Variants in CXCL10 observed in about 807,000 individuals in gnomAD.
CXCL10 encodes the protein C-X-C motif chemokine ligand 10, also known as C-X-C motif chemokine 10.
A neutral mutation model predicts 10.8 loss-of-function variants in CXCL10; 6 were observed. The ratio of observed to expected loss-of-function variants is 0.55; its 90% confidence interval spans 0.30 to 1.09. The LOEUF (loss-of-function observed/expected upper bound fraction) is 1.09, where lower values mean the gene tolerates loss of function less well. Among genes scored for constraint, CXCL10 ranks in the 50% least tolerant of loss-of-function variants. The pLI, the probability that CXCL10 is intolerant of heterozygous loss-of-function variation, is 0.06. For synonymous variants in CXCL10, 35 were observed against 35.8 expected, an observed-to-expected ratio of 0.98 and a Z score of 0.08; for missense variants, 114 against 114.3, an observed-to-expected ratio of 1.00 and a Z score of 0.01.
chr4:76,022,430 T>A lies in CXCL10; in HGVS notation c.214A>T (p.Lys72Ter). The A allele has an allele frequency of 6.2e-7, 1 of 1,613,432 alleles. No homozygotes were observed. The highest frequency in any genetic ancestry group is 8.5e-7 in the Non-Finnish European group (1 of 1,179,916). The change falls in exon 3 of 4, where the codon AAG (lysine) becomes TAG (stop). Residue 72 changes from lysine (K) to a stop codon, truncating the protein, a stop_gained. Coordinates refer to ENST00000306602, the MANE Select transcript of CXCL10 (RefSeq NM_001565.4). LOFTEE classifies it high-confidence loss of function. ...TTCGATTCTGGATTCAGACATCTCT[T>A]CTCACCCTTCTTTTTCATTGTAGCA... is the stretch of plus-strand genomic sequence containing the variant. The part of the protein sequence containing the change: ...IIATMKKKGE[K>*]RCLNPESKAI...
At position 76,022,101 on chromosome 4, in the gene CXCL10, C is replaced by T. The variant is rs184315160; in HGVS notation, c.279-153G>A. The stretch of plus-strand genomic sequence containing the variant: ...GGATTATAGGGGTTGCTTTTTTCAA[C>T]CATGAAAGACTTGGGGAAAATGTTG... On this transcript the variant is annotated intron_variant, in intron 3 of 3. Transcript: ENST00000306602. Among the ~76,000 whole-genome samples the T allele has an allele frequency of 2.2e-4, 33 of 152,208 alleles. No individual in the cohort carries two copies. In the East Asian group the frequency reaches 6.2e-3, roughly 28 times the overall value.
rs1733066706 is a variant in CXCL10 at position 76,023,381 on chromosome 4, A to C, written c.51T>G (p.Ser17Arg). 1 of 1,613,130 alleles carries C rather than the reference A, an allele frequency of 6.2e-7. No homozygotes were observed. The highest frequency in any genetic ancestry group is 8.5e-7 in the Non-Finnish European group (1 of 1,179,214). Residue 17 changes from serine to arginine, a missense_variant, in exon 1 of 4, where the codon AGT (serine) becomes AGG (arginine). Physicochemically the swap from Ser to Arg is moderately radical, Grantham distance 110 (BLOSUM62 -1). Coordinates refer to ENST00000306602, the MANE Select transcript of CXCL10 (RefSeq NM_001565.4). ...LICCLIFLTLSGIQGVPLSRT... is the reference protein window; with the variant it reads ...LICCLIFLTLRGIQGVPLSRT... ...TTTGATGTTCCTTACCTTGAATGCC[A>C]CTTAGAGTCAGAAAGATAAGGCAGC...
At position 76,021,807 on chromosome 4, in the gene CXCL10, T is replaced by A; in HGVS notation, c.*123A>T. The A allele has an allele frequency of 1.1e-6, 1 of 952,318 alleles. No homozygotes were observed. The allele number at this position is 952,318 out of a possible 1,614,324, so 59.0% of individuals were successfully genotyped here. ...GTGACCATCATTGGTCACCTTTTAG[T>A]GTAACTGCAAACTAAGAACAATTAT... On this transcript the variant is annotated 3_prime_UTR_variant, in exon 4 of 4. Coordinates refer to ENST00000306602, the MANE Select transcript of CXCL10 (RefSeq NM_001565.4).
chr4:76,022,322 C>G (rs771270907), intron 3 of CXCL10, 44 bp downstream of exon 3: 2 of 1,494,372 alleles, frequency 1.3e-6, no homozygotes, highest in Non-Finnish European at 9.3e-7. Context: ...CCAAGATTGC[C>G]GTTTCCTAAA....
chr4:76,023,154 GTCC>G (rs1733034805), intron 1 of CXCL10, among the ~76,000 whole-genome samples: 2 of 151,852 alleles, frequency 1.3e-5, no homozygotes, highest in African/African-American at 4.8e-5. Flanking sequence ...CATCTCTTCT[GTCC>G]TCCTTCCCTT....
In CXCL10 at chr4:76,022,744, T is replaced by C; in HGVS notation, c.135A>G (p.Leu45=). 6.2e-7 allele frequency: 1 copy of C among 1,613,796 alleles called. No homozygotes were observed. Residue 45 remains leucine, a synonymous_variant, in exon 2 of 4, where the codon TTA becomes TTG. Transcript: ENST00000306602. The part of the protein sequence containing the change: ...ISNQPVNPRS[L]EKLEIIPASQ... ...TTGCAGGAATAATTTCAAGTTTTTC[T>C]AAAGACCTTGGATTAACAGGTTGAT... is the stretch of plus-strand genomic sequence containing the variant.
At chr4:76,022,551 C>T in intron 2 of CXCL10, 96 bp from the exon 3 acceptor site, 2 of 1,484,424 alleles carry the variant, frequency 1.3e-6, no homozygotes, top group East Asian at 2.3e-5. Context: ...TTAAGTTTCA[C>T]TCTGCATGTT....
chr4:76,021,138 A>G lies in CXCL10; in HGVS notation c.*792T>C, dbSNP rs1465410309. On this transcript the variant is annotated 3_prime_UTR_variant, in exon 4 of 4. Coordinates refer to ENST00000306602, the MANE Select transcript of CXCL10 (RefSeq NM_001565.4). ...TCATCTTAGTTATAATTACTTTATT[A>G]ACCTTTTGATCTTTCAACATTTAGA... 1.3e-5 allele frequency: 2 copies of G among 152,298 alleles called. No individual in the cohort carries two copies. The highest frequency in any genetic ancestry group is 1.3e-4 in the Admixed American group (2 of 15,286). The allele number at this position is 152,298 out of a possible 1,614,324, so 9.4% of individuals were successfully genotyped here. A position where few individuals can be genotyped will look rare whatever the true frequency, so the allele number is the denominator to read the frequency against.
chr4:76,022,942 G>A (rs1279768653), intron 1 of CXCL10, 125 bp from the exon 2 acceptor site: 2 of 910,762 alleles, frequency 2.2e-6, no homozygotes, highest in African/African-American at 1.7e-5. Flanking sequence ...AATCTGAGGA[G>A]GAATGGATCA....
chr4:76,021,910 G>T lies in CXCL10; in HGVS notation c.*20C>A. On this transcript the variant is annotated 3_prime_UTR_variant, in exon 4 of 4. Transcript: ENST00000306602. ...GGTCCATCCTTGGAAGCACTGCATC[G>T]ATTTTGCTCCCCTCTGGTTTTAAGG... 1.9e-6 allele frequency: 3 copies of T among 1,609,092 alleles called. No homozygotes were observed. Among genetic ancestry groups the T allele is most frequent in the Non-Finnish European group, 2.6e-6 (3 of 1,175,452 alleles).
Position 76,022,448 on chromosome 4 carries a change from T to C in CXCL10, c.196A>G (p.Met66Val), listed in dbSNP as rs562734842. 1.2e-6 allele frequency: 2 copies of C among 1,612,768 alleles called. No individual in the cohort carries two copies. Among genetic ancestry groups the C allele is most frequent in the Admixed American group, 1.7e-5 (1 of 60,018 alleles). Residue 66 changes from methionine to valine, a missense_variant, in exon 3 of 4, where the codon ATG becomes GTG. Physicochemically the swap from Met to Val is conservative, Grantham distance 21. Transcript: ENST00000306602. Reference protein sequence around the residue: ...FCPRVEIIATMKKKGEKRCLN... With the variant: ...FCPRVEIIATVKKKGEKRCLN... ...CATCTCTTCTCACCCTTCTTTTTCA[T>C]TGTAGCACTGTAGAAATAAATAGGG...
chr4:76,021,807 T>C lies in CXCL10; in HGVS notation c.*123A>G. The C allele has an allele frequency of 2.1e-6, 2 of 952,318 alleles. No individual in the cohort carries two copies. The highest frequency in any genetic ancestry group is 3.4e-6 in the Non-Finnish European group (2 of 588,802). 59.0% of individuals were successfully genotyped at this position (952,318 alleles called of 1,614,324 possible). A position where few individuals can be genotyped will look rare whatever the true frequency, so the allele number is the denominator to read the frequency against. On this transcript the variant is annotated 3_prime_UTR_variant, in exon 4 of 4. Transcript: ENST00000306602. ...GTGACCATCATTGGTCACCTTTTAGTGTAACTGCAAACTAAGAACAATTAT... is the reference window on the plus strand; with the variant it reads ...GTGACCATCATTGGTCACCTTTTAGCGTAACTGCAAACTAAGAACAATTAT...
rs756375420 is a variant in CXCL10, at chr4:76,022,820, G to A, written c.62-3C>T. On this transcript the variant is annotated splice_region_variant and splice_polypyrimidine_tract_variant and intron_variant, in intron 1 of 3. Transcript: ENST00000306602. ...TACAGTTCTAGAGAGAGGTACTCCT[G>A]TAGGAAAAGAGGAACAGCAGAGAAG... 4 of 1,606,644 alleles carry A rather than the reference G, an allele frequency of 2.5e-6. No homozygotes were observed. Among genetic ancestry groups the A allele is most frequent in the Non-Finnish European group, 2.5e-6 (3 of 1,179,132 alleles).
intron 2 of CXCL10, 65 bp from the exon 3 acceptor site, chr4:76,022,520 C>T (rs1445932068): frequency 2.2e-5 from 33 of 1,534,538 alleles, no homozygotes; most frequent in South Asian, 4.5e-5. Context: ...AGATGGCATA[C>T]GCAGTTCTGA....
At chr4:76,023,107 T>C (rs1733028702) in intron 1 of CXCL10, among the ~76,000 whole-genome samples, 1 of 152,280 alleles carries the variant, frequency 6.6e-6, no homozygotes, top group South Asian at 2.1e-4. Flanking sequence ...TCTGTCCGCA[T>C]TCCCTCACAT....
chr4:76,023,267 G>T, intron 1 of CXCL10, 104 bp downstream of exon 1: 4 of 836,606 alleles, frequency 4.8e-6, no homozygotes, highest in Non-Finnish European at 6.0e-6. Flanking sequence ...TTATTTATAA[G>T]CATGCAGTGA....
Position 76,021,892 on chromosome 4 carries a change from C to A in CXCL10, c.*38G>T. On this transcript the variant is annotated 3_prime_UTR_variant, in exon 4 of 4. Coordinates refer to ENST00000306602, the MANE Select transcript of CXCL10 (RefSeq NM_001565.4). ...GAGAGGCAGCCTCTGTGTGGTCCAT[C>A]CTTGGAAGCACTGCATCGATTTTGC... The A allele has an allele frequency of 6.3e-7, 1 of 1,597,296 alleles. No homozygotes were observed. Among genetic ancestry groups the A allele is most frequent in the East Asian group, 2.2e-5 (1 of 44,764 alleles).
At chr4:76,022,043 A>G in intron 3 of CXCL10, 95 bp from the exon 4 acceptor site, 3 of 1,186,104 alleles carry the variant, frequency 2.5e-6, no homozygotes, top group Non-Finnish European at 3.8e-6. Flanking sequence ...TAGAATAGAT[A>G]ACTGAGCTTT....
intron 3 of CXCL10, 57 bp downstream of exon 3, chr4:76,022,309 C>G (rs1183137603): frequency 2.2e-6 from 3 of 1,393,438 alleles, no homozygotes; most frequent in Non-Finnish European, 3.1e-6. Flanking sequence ...GTATTTCTGA[C>G]TCCCAAGATT....
Sources: gnomAD v4.1 joint callset for allele counts (sites outside exome capture counted in the v4.1 genomes callset) on GRCh38, gnomAD v4.1.1 for gene constraint, MANE v1.5 for transcripts, NCBI Gene and HGNC (gene_info 2026-07-23, HGNC 2026-07-21) for gene names.